NLRC4: variants seen among roughly 807,000 people sequenced by gnomAD.
NLRC4 encodes NLR family CARD domain containing 4.
Under a neutral mutation model 79.9 loss-of-function variants are expected in NLRC4, and 63 were observed. That is an observed-to-expected ratio of 0.79 (90% CI 0.64 to 0.97). The LOEUF (loss-of-function observed/expected upper bound fraction) is 0.97, where lower values mean the gene tolerates loss of function less well. Among genes scored for constraint, NLRC4 ranks in the 50% least tolerant of loss-of-function variants. The pLI, the probability that NLRC4 is intolerant of heterozygous loss-of-function variation, is 0.00. For missense variants in NLRC4, 1,074 were observed against 1,215.2 expected, an observed-to-expected ratio of 0.88 and a Z score of 1.73; for synonymous variants, 461 against 456.5, an observed-to-expected ratio of 1.01 and a Z score of -0.12.
chr2:32,249,554 A>G (rs977371998), intron 4 of NLRC4, 53 bp downstream of exon 4: 4 of 1,377,058 alleles, frequency 2.9e-6, no homozygotes, highest in East Asian at 2.3e-5. Context: ...AAATTTATAC[A>G]CTGTTATTTT....
At chr2:32,251,736 C>A (rs1007834082) in intron 3 of NLRC4, 135 bp from the exon 4 acceptor site, 25 of 632,440 alleles carry the variant, frequency 4.0e-5, no homozygotes, top group Non-Finnish European at 6.7e-5. Context: ...CAGTTCTGAG[C>A]TGGCACAAAG....
intron 8 of NLRC4, among the ~76,000 whole-genome samples, chr2:32,231,016 T>G (rs1423900314): frequency 6.6e-6 from 1 of 152,252 alleles, no homozygotes; most frequent in Non-Finnish European, 1.5e-5. Context: ...ATTATTACCC[T>G]GATGGCTAAT....
chr2:32,258,219 G>A (rs1372558602), intron 1 of NLRC4, among the ~76,000 whole-genome samples: 1 of 152,166 alleles, frequency 6.6e-6, no homozygotes, highest in African/African-American at 2.4e-5. Context: ...CTGGCGTGCC[G>A]ATGTCTGTTG....
Position 32,226,967 on chromosome 2 carries a change from C to T in NLRC4, c.2783-2202G>A, listed in dbSNP as rs138609627. Among the ~76,000 whole-genome samples, 785 of 152,140 alleles carry T rather than the reference C, an allele frequency of 5.2e-3. 5 individuals are homozygous for T. Among genetic ancestry groups the T allele is most frequent in the African/African-American group, 0.017 (718 of 41,530 alleles). ...TTCCATAGTTAATAGAGTTTTATTT[C>T]GGCATATGGCCACTCATATCCCAAC... On this transcript the variant is annotated intron_variant, in intron 8 of 8. Coordinates refer to ENST00000402280, the MANE Select transcript of NLRC4 (RefSeq NM_001199138.2).
At chr2:32,231,355 C>T (rs1238030201) in intron 8 of NLRC4, among the ~76,000 whole-genome samples, 2 of 150,962 alleles carry the variant, frequency 1.3e-5, no homozygotes, top group Non-Finnish European at 1.5e-5. Flanking sequence ...TGGGATTTCA[C>T]CATATTGGCC....
intron 8 of NLRC4, among the ~76,000 whole-genome samples, chr2:32,225,165 C>T (rs1025038493): frequency 6.6e-6 from 1 of 152,026 alleles, no homozygotes; most frequent in African/African-American, 2.4e-5. Context: ...AAGTAAACAC[C>T]ACCTAACTGT....
rs1686675016 is a variant in NLRC4 at position 32,236,422 on chromosome 2, G to C, written c.2522-83C>G. The C allele has an allele frequency of 2.2e-5, 15 of 690,430 alleles. No individual in the cohort carries two copies. In the Admixed American group the frequency reaches 6.2e-4, roughly 28 times the overall value. The allele number at this position is 690,430 out of a possible 1,614,324, so 42.8% of individuals were successfully genotyped here. A position where few individuals can be genotyped will look rare whatever the true frequency, so the allele number is the denominator to read the frequency against. On this transcript the variant is annotated intron_variant, in intron 6 of 8. Coordinates refer to ENST00000402280, the MANE Select transcript of NLRC4 (RefSeq NM_001199138.2). The stretch of plus-strand genomic sequence containing the variant: ...TGAAGTATCCTTAGAATAATTCTGA[G>C]TTTTATCTTCTCTGCTAATGGTAGT...
rs571712864 is a variant in NLRC4, at chr2:32,250,041, G to A, written c.1823C>T (p.Ala608Val). Residue 608 changes from alanine (A) to valine (V), a missense_variant, in exon 4 of 9, where the codon GCC (alanine) becomes GTC (valine). Ala to Val is a moderately conservative substitution (Grantham distance 64). Transcript: ENST00000402280. The surrounding 1 kb of genome is among the most constrained non-coding windows in gnomAD (Gnocchi z 4.9). Reference sequence around the variant, plus strand: ...AAAGTCCAGTTTAATGAAGTCCAGGGCACTTGCACAATTGGGCAAATGTTC... The same window carrying A: ...AAAGTCCAGTTTAATGAAGTCCAGGACACTTGCACAATTGGGCAAATGTTC... ...FFEHLPNCASALDFIKLDFYG... is the reference protein window; with the variant it reads ...FFEHLPNCASVLDFIKLDFYG... 2 of 1,614,212 alleles carry A rather than the reference G, an allele frequency of 1.2e-6. No individual in the cohort carries two copies. Among genetic ancestry groups the A allele is most frequent in the South Asian group, 2.2e-5 (2 of 91,086 alleles).
intron 8 of NLRC4, 54 bp from the exon 9 acceptor site, chr2:32,224,819 A>G: frequency 1.2e-6 from 1 of 812,620 alleles, no homozygotes; most frequent in Non-Finnish European, 1.9e-6. Flanking sequence ...TTAAAAAAAA[A>G]GAGAAATAGG....
intron 8 of NLRC4, among the ~76,000 whole-genome samples, chr2:32,234,232 A>T (rs1297955994): frequency 6.6e-6 from 1 of 152,038 alleles, no homozygotes; most frequent in Non-Finnish European, 1.5e-5. Flanking sequence ...ATACAAAAAA[A>T]AAAATTAGGC....
chr2:32,262,703 G>T (rs1005947899), intron 1 of NLRC4, among the ~76,000 whole-genome samples: 4 of 151,856 alleles, frequency 2.6e-5, no homozygotes, highest in Non-Finnish European at 5.9e-5. Context: ...TTGAACCCAG[G>T]AGGTGGAGGT....
chr2:32,252,190 A>G (rs1000882348), intron 3 of NLRC4, among the ~76,000 whole-genome samples: 2 of 152,074 alleles, frequency 1.3e-5, no homozygotes, highest in Non-Finnish European at 2.9e-5. Context: ...GTGAGACAAT[A>G]CTCAATCATT....
At chr2:32,262,827 T>C (rs1387890521) in intron 1 of NLRC4, among the ~76,000 whole-genome samples, 2 of 151,584 alleles carry the variant, frequency 1.3e-5, no homozygotes, top group African/African-American at 4.8e-5. Context: ...TCTTGGAATG[T>C]AGCTATGGCC....
At chr2:32,263,257 C>T (rs1461396783) in intron 1 of NLRC4, among the ~76,000 whole-genome samples, 1 of 152,180 alleles carries the variant, frequency 6.6e-6, no homozygotes, top group East Asian at 1.9e-4. Flanking sequence ...CCTCACTCTG[C>T]ACCTTATGAG....
chr2:32,238,412 G>T lies in NLRC4; in HGVS notation c.2351-110C>A, dbSNP rs1686720891. On this transcript the variant is annotated intron_variant, in intron 5 of 8. Coordinates refer to ENST00000402280, the MANE Select transcript of NLRC4 (RefSeq NM_001199138.2). ...AATAATTGTGCAGAGACCTTGCCATGTTCTTCCTGCAGCGACTTTAAGTTA... is the reference window on the plus strand; with the variant it reads ...AATAATTGTGCAGAGACCTTGCCATTTTCTTCCTGCAGCGACTTTAAGTTA... 3.4e-6 allele frequency: 3 copies of T among 887,634 alleles called. No homozygotes were observed. In the East Asian group the frequency reaches 8.0e-5, roughly 24 times the overall value. 55.0% of individuals were successfully genotyped at this position (887,634 alleles called of 1,614,324 possible). A position where few individuals can be genotyped will look rare whatever the true frequency, so the allele number is the denominator to read the frequency against.
chr2:32,263,930 C>G (rs568858543), intron 1 of NLRC4, among the ~76,000 whole-genome samples: 7 of 152,234 alleles, frequency 4.6e-5, no homozygotes, highest in South Asian at 2.1e-4. Context: ...CATTTTCCAC[C>G]TCTCAAAGCC....
chr2:32,261,807 G>C (rs1203780254), intron 1 of NLRC4, among the ~76,000 whole-genome samples: 2 of 152,014 alleles, frequency 1.3e-5, no homozygotes, highest in Non-Finnish European at 2.9e-5. Flanking sequence ...GAGCAGCCAG[G>C]CGCGGTGGCT....
rs767733551 is a variant in NLRC4 at position 32,251,266 on chromosome 2, C to T, written c.598G>A (p.Val200Ile). 77 of 1,614,022 alleles carry T rather than the reference C, an allele frequency of 4.8e-5. 1 individual carries two copies. The Admixed American group carries it at 1.1e-3, about 23-fold the overall frequency. The change falls in exon 4 of 9, where the codon GTC (valine) becomes ATC (isoleucine). Residue 200 changes from valine to isoleucine, a missense_variant. Transcript: ENST00000402280. Reference sequence around the variant, plus strand: ...GCCCTGCTGAGACGGAGGAAGAAGACGAATTTGAACTTGGTCAGAGCCTTG... The same window carrying T: ...GCCCTGCTGAGACGGAGGAAGAAGATGAATTTGAACTTGGTCAGAGCCTTG... ...KCKALTKFKF[V>I]FFLRLSRAQG...
At chr2:32,238,394 G>C in intron 5 of NLRC4, 92 bp from the exon 6 acceptor site, 1 of 1,088,630 alleles carries the variant, frequency 9.2e-7, no homozygotes, top group South Asian at 1.4e-5. Flanking sequence ...AAGAATAATT[G>C]TGCAGAGACC....
Sources: allele counts gnomAD v4.1 joint callset (sites outside exome capture counted in the v4.1 genomes callset), GRCh38; gene constraint gnomAD v4.1.1; non-coding constraint Gnocchi (gnomAD v3.1); transcripts MANE v1.5; gene names NCBI Gene and HGNC (gene_info 2026-07-23, HGNC 2026-07-21).